NAV2: variants seen among roughly 807,000 people sequenced by gnomAD.
NAV2 encodes the protein neuron navigator 2.
Under a neutral mutation model 223.2 loss-of-function variants are expected in NAV2, and 54 were observed. The ratio of observed to expected loss-of-function variants is 0.24; its 90% confidence interval spans 0.19 to 0.30. The LOEUF (loss-of-function observed/expected upper bound fraction) is 0.30. Among genes scored for constraint, NAV2 ranks in the 10% least tolerant of loss-of-function variants. The pLI is 1.00. For synonymous variants in NAV2, 1,279 were observed against 1,239.3 expected (o/e 1.03, Z -0.67); for missense variants, 2,806 against 3,147.5 (o/e 0.89, Z 2.60).
intron 6 of NAV2, among the ~76,000 whole-genome samples, chr11:19,924,183 C>T (rs910433599): frequency 6.6e-6 from 1 of 151,740 alleles, no homozygotes; most frequent in Admixed American, 6.6e-5. Flanking sequence ...GCAAGTTAAC[C>T]TTTGTTTAGC....
chr11:19,517,325 C>T (rs2043489743), intron 1 of NAV2, among the ~76,000 whole-genome samples: 1 of 152,210 alleles, frequency 6.6e-6, no homozygotes, highest in South Asian at 2.1e-4. Context: ...AGTCTTTCTG[C>T]TTCTGATTCT....
chr11:19,478,677 C>G (rs984045852), intron 1 of NAV2, among the ~76,000 whole-genome samples: 1 of 152,192 alleles, frequency 6.6e-6, no homozygotes, highest in South Asian at 2.1e-4. Context: ...AAGACAAAAG[C>G]CTTCATCTTG....
chr11:19,551,615 G>A (rs777382533), intron 1 of NAV2, among the ~76,000 whole-genome samples: 22 of 152,368 alleles, frequency 1.4e-4, no homozygotes, highest in Non-Finnish European at 2.8e-4. Context: ...TATACACCGC[G>A]TGGTTCAGAA....
At chr11:20,091,155 TC>T in intron 27 of NAV2, 137 bp downstream of exon 27, 1 of 782,738 alleles carries the variant, frequency 1.3e-6, no homozygotes, top group Non-Finnish European at 2.0e-6. Flanking sequence ...CTCTTTTCAG[TC>T]CCTCCCACAC....
At chr11:19,963,398 G>A (rs536276457) in intron 10 of NAV2, among the ~76,000 whole-genome samples, 88 of 152,132 alleles carry the variant, frequency 5.8e-4, no homozygotes, top group Non-Finnish European at 1.0e-3. Flanking sequence ...CTATAGGATG[G>A]CAGTTTACTA....
At chr11:19,707,736 G>GTTTGTGT (rs1345559942) in intron 1 of NAV2, among the ~76,000 whole-genome samples, 3 of 152,112 alleles carry the variant, frequency 2.0e-5, no homozygotes, top group East Asian at 3.8e-4. Flanking sequence ...TAAAGTATTA[G>GTTTGTGT]GCACTGTACA....
intron 1 of NAV2, among the ~76,000 whole-genome samples, chr11:19,645,766 G>A (rs1273823540): frequency 6.6e-6 from 1 of 151,858 alleles, no homozygotes; most frequent in East Asian, 1.9e-4. Flanking sequence ...AATGGTAATG[G>A]CAAAAACCAT....
At chr11:19,709,433 T>A (rs965993824), upstream of NAV2, among the ~76,000 whole-genome samples, 1 of 148,292 alleles carries the variant, frequency 6.7e-6, no homozygotes, top group Non-Finnish European at 1.5e-5. Context: ...TCCCAGCTAC[T>A]CAGGAGGCTG....
intron 1 of NAV2, among the ~76,000 whole-genome samples, chr11:19,481,759 A>G (rs1303221422): frequency 1.3e-5 from 2 of 152,040 alleles, no homozygotes; most frequent in Non-Finnish European, 2.9e-5. Context: ...CAAAAAATAT[A>G]CTCTGTAGTT....
At chr11:20,077,731 A>C (rs2059851511) in intron 23 of NAV2, 96 bp downstream of exon 23, 2 of 1,041,596 alleles carry the variant, frequency 1.9e-6, no homozygotes, top group Non-Finnish European at 2.9e-6. Flanking sequence ...GTGGATGTTA[A>C]TGTATTTCTT....
intron 1 of NAV2, among the ~76,000 whole-genome samples, chr11:19,668,532 CAAAAAAAAA>C (rs762975832): frequency 9.2e-5 from 6 of 64,902 alleles, no homozygotes; most frequent in East Asian, 5.4e-4. Context: ...GACTCGGTCT[CAAAAAAAAA>C]AAAAAAAAAA....
At position 20,103,402 on chromosome 11, in the gene NAV2, C is replaced by G; in HGVS notation, c.6565C>G (p.His2189Asp). 6.2e-7 allele frequency: 1 copy of G among 1,613,350 alleles called. No individual in the cohort carries two copies. The highest frequency in any genetic ancestry group is 8.5e-7 in the Non-Finnish European group (1 of 1,179,572). ...IFNGLLNCKY[H>D]KCPYIIGTMN... ...CAATGGGCTGCTCAACTGCAAGTAC[C>G]ACAAATGGTAAAGGCTGGTTCTGGA... The change falls in exon 33 of 38, where the codon CAC becomes GAC. Residue 2189 changes from histidine to aspartate, a missense_variant. Coordinates refer to ENST00000349880, the MANE Select transcript of NAV2 (RefSeq NM_145117.5).
At chr11:19,395,241 C>T (rs745339112) in intron 1 of NAV2, among the ~76,000 whole-genome samples, 86 of 152,376 alleles carry the variant, frequency 5.6e-4, no homozygotes, top group Non-Finnish European at 1.0e-3. Flanking sequence ...CATTCCTGTT[C>T]ATTGTCATGC....
At chr11:19,981,731 G>C (rs1486711798) in intron 10 of NAV2, among the ~76,000 whole-genome samples, 1 of 152,164 alleles carries the variant, frequency 6.6e-6, no homozygotes, top group Non-Finnish European at 1.5e-5. Context: ...TTTTGGTGTA[G>C]GTGTTTTTTC....
At chr11:19,972,555 C>G (rs1591485473) in intron 10 of NAV2, among the ~76,000 whole-genome samples, 1 of 152,130 alleles carries the variant, frequency 6.6e-6, no homozygotes, top group East Asian at 1.9e-4. Context: ...CATAGAAAAC[C>G]ATACACCGAG....
chr11:19,660,269 G>T (rs2048241189), intron 1 of NAV2, among the ~76,000 whole-genome samples: 1 of 152,330 alleles, frequency 6.6e-6, no homozygotes, highest in Middle Eastern at 3.4e-3. Context: ...CATCCCAGGG[G>T]CTGCCCCAGC....
At chr11:20,017,072 T>G (rs1479850326) in intron 11 of NAV2, among the ~76,000 whole-genome samples, 1 of 152,054 alleles carries the variant, frequency 6.6e-6, no homozygotes. Context: ...GCCCTCTTGC[T>G]TATCCTTTAG....
intron 11 of NAV2, among the ~76,000 whole-genome samples, chr11:20,031,536 C>G (rs945539163): frequency 7.2e-5 from 11 of 152,194 alleles, no homozygotes; most frequent in African/African-American, 2.7e-4. Flanking sequence ...AAGGAATTTA[C>G]TATTTCTCAT....
At chr11:19,737,057 G>A (rs189959872) in intron 1 of NAV2, among the ~76,000 whole-genome samples, 4 of 152,370 alleles carry the variant, frequency 2.6e-5, no homozygotes, top group African/African-American at 4.8e-5. Flanking sequence ...GCTGCTAGCC[G>A]TAGAGCCCAA....
Sources: gnomAD v4.1 joint callset for allele counts (sites outside exome capture counted in the v4.1 genomes callset) on GRCh38, gnomAD v4.1.1 for gene constraint, MANE v1.5 for transcripts, NCBI Gene and HGNC (gene_info 2026-07-23, HGNC 2026-07-21) for gene names.